The following FOXP2 variants were observed in gnomAD, a reference collection of about 807,000 sequenced individuals.
FOXP2 encodes forkhead box P2.
Under a neutral mutation model 115.8 loss-of-function variants are expected in FOXP2, and 12 were observed. That is an observed-to-expected ratio of 0.10 (90% CI 0.07 to 0.17). The LOEUF is 0.17. Among genes scored for constraint, FOXP2 ranks in the 10% least tolerant of loss-of-function variants. The pLI is 1.00. For synonymous variants in FOXP2, 328 were observed against 297.7 expected, an observed-to-expected ratio of 1.10 and a Z score of -1.05; for missense variants, 629 against 843.5, an observed-to-expected ratio of 0.75 and a Z score of 3.15.
chr7:114,377,834 G>A (rs190635651), intron 2 of FOXP2, among the ~76,000 whole-genome samples: 117 of 152,298 alleles, frequency 7.7e-4, no homozygotes, highest in Middle Eastern at 6.8e-3. Context: ...TTTGGAAGAG[G>A]AAAGCTCGTG....
chr7:114,378,094 C>G (rs1010448751), intron 2 of FOXP2, among the ~76,000 whole-genome samples: 2 of 152,088 alleles, frequency 1.3e-5, no homozygotes, highest in African/African-American at 4.8e-5. Context: ...AGCATTCATC[C>G]TAATTGTGAA....
intron 1 of FOXP2, among the ~76,000 whole-genome samples, chr7:114,241,778 A>G (rs1795162281): frequency 1.3e-5 from 2 of 151,734 alleles, no homozygotes; most frequent in African/African-American, 4.8e-5. Context: ...AATGGAAAGC[A>G]ATTTGTGGAC....
chr7:114,538,590 CTG>C (rs1176241933), intron 3 of FOXP2, among the ~76,000 whole-genome samples: 2 of 151,580 alleles, frequency 1.3e-5, no homozygotes, highest in Non-Finnish European at 3.0e-5. Context: ...TATTCTGACT[CTG>C]CCACAAATAG....
chr7:114,416,530 G>C (rs935049173), intron 1 of FOXP2: 3 of 136,878 alleles, frequency 2.2e-5, no homozygotes, highest in Non-Finnish European at 3.1e-5. Flanking sequence ...AAAAAAAAAA[G>C]CACTCTATTT....
At chr7:114,618,639 A>G (rs1034561473) in intron 3 of FOXP2, among the ~76,000 whole-genome samples, 3 of 152,206 alleles carry the variant, frequency 2.0e-5, no homozygotes, top group Admixed American at 1.3e-4. Flanking sequence ...GGTAGAATGC[A>G]TAAATGTGCT....
chr7:114,151,568 T>A (rs1287184016), intron 1 of FOXP2, among the ~76,000 whole-genome samples: 1 of 152,094 alleles, frequency 6.6e-6, no homozygotes, highest in Non-Finnish European at 1.5e-5. Context: ...TGTGTGTGTG[T>A]GTTATTTTCT....
chr7:114,476,733 A>G (rs949652483), intron 2 of FOXP2, among the ~76,000 whole-genome samples: 3 of 151,928 alleles, frequency 2.0e-5, no homozygotes, highest in African/African-American at 7.2e-5. Flanking sequence ...TTAGGATATC[A>G]ATTCTCCCAA....
rs751503767 is a variant in FOXP2, at chr7:114,570,832, G to A, written c.258+36126G>A. On this transcript the variant is annotated intron_variant, in intron 3 of 16. Transcript: ENST00000350908. ...GAATTGCTTCCAGAAACAAAATTAT[G>A]TATCTGTGGCCACTCTTCTGGTGAT... 7 of 1,611,728 alleles carry A rather than the reference G, an allele frequency of 4.3e-6. No homozygotes were observed. The South Asian group carries it at 6.6e-5, about 15-fold the overall frequency.
chr7:114,217,145 AAAGG>A (rs1454740419), intron 1 of FOXP2, among the ~76,000 whole-genome samples: 2 of 152,188 alleles, frequency 1.3e-5, no homozygotes, highest in Admixed American at 1.3e-4. Flanking sequence ...AATTAACAAA[AAAGG>A]AAGTAAAACG....
chr7:114,354,667 C>A (rs1274109254), intron 2 of FOXP2, among the ~76,000 whole-genome samples: 1 of 152,050 alleles, frequency 6.6e-6, no homozygotes, highest in Non-Finnish European at 1.5e-5. Flanking sequence ...AAGTCCAAGT[C>A]TCTAGATAAC....
chr7:114,435,540 T>C (rs1316954901), intron 2 of FOXP2, among the ~76,000 whole-genome samples: 1 of 152,044 alleles, frequency 6.6e-6, no homozygotes, highest in East Asian at 1.9e-4. Context: ...AGTTAGTTTG[T>C]TGTTTGTTTG....
intron 3 of FOXP2, among the ~76,000 whole-genome samples, chr7:114,627,584 T>A (rs956065600): frequency 3.3e-5 from 5 of 152,096 alleles, no homozygotes; most frequent in African/African-American, 1.2e-4. Flanking sequence ...GTTCTGTCTT[T>A]CTCTAGGGCT....
chr7:114,554,096 A>C (rs1291600662), intron 3 of FOXP2, among the ~76,000 whole-genome samples: 1 of 152,166 alleles, frequency 6.6e-6, no homozygotes, highest in African/African-American at 2.4e-5. Flanking sequence ...ATTTGGTATT[A>C]TGCTTATTCC....
chr7:114,392,282 A>G (rs1455358812), intron 2 of FOXP2, among the ~76,000 whole-genome samples: 1 of 152,202 alleles, frequency 6.6e-6, no homozygotes, highest in Non-Finnish European at 1.5e-5. Flanking sequence ...AGTGTCCAAC[A>G]TAAGGTGCTA....
At chr7:114,204,062 T>C (rs1053325943) in intron 1 of FOXP2, among the ~76,000 whole-genome samples, 1 of 152,218 alleles carries the variant, frequency 6.6e-6, no homozygotes, top group African/African-American at 2.4e-5. Flanking sequence ...AAATTTTTTT[T>C]CTGCTTCTTC....
intron 1 of FOXP2, among the ~76,000 whole-genome samples, chr7:114,239,696 T>G (rs543653329): frequency 6.6e-6 from 1 of 152,170 alleles, no homozygotes; most frequent in Non-Finnish European, 1.5e-5. Context: ...AAAGATAACA[T>G]GTTACCATAG....
chr7:114,223,832 T>C (rs993667715), intron 1 of FOXP2, among the ~76,000 whole-genome samples: 2 of 151,746 alleles, frequency 1.3e-5, no homozygotes, highest in East Asian at 1.9e-4. Flanking sequence ...TTTAATTTAG[T>C]TTATCAATTT....
intron 2 of FOXP2, among the ~76,000 whole-genome samples, chr7:114,507,675 A>C (rs1383145942): frequency 7.2e-5 from 11 of 151,952 alleles, no homozygotes; most frequent in Admixed American, 6.6e-4. Flanking sequence ...AGTGGGGACT[A>C]TGTCCCAATA....
intron 3 of FOXP2, among the ~76,000 whole-genome samples, chr7:114,606,030 G>C (rs1803301348): frequency 6.6e-6 from 1 of 152,142 alleles, no homozygotes; most frequent in African/African-American, 2.4e-5. Context: ...ATTAGAACTT[G>C]AGGGAGTATA....
Sources: allele counts gnomAD v4.1 joint callset (sites outside exome capture counted in the v4.1 genomes callset), GRCh38; gene constraint gnomAD v4.1.1; transcripts MANE v1.5; gene names NCBI Gene and HGNC (gene_info 2026-07-23, HGNC 2026-07-21).